The following EYS variants were observed in gnomAD, a reference collection of about 807,000 sequenced individuals.
The protein encoded by EYS is protein eyes shut homolog.
EYS carries 250 observed loss-of-function variants against 282.1 expected under a neutral mutation model. The ratio of observed to expected loss-of-function variants is 0.89; its 90% CI spans 0.80 to 0.98. The LOEUF (loss-of-function observed/expected upper bound fraction) is 0.98, where lower values mean the gene tolerates loss of function less well. Ranked by LOEUF, EYS falls within the 50% of genes least tolerant of loss-of-function variation. EYS has a pLI of 0.00. For synonymous variants in EYS, 1,355 were observed against 1,282.9 expected, an observed-to-expected ratio of 1.06 and a Z score of -1.20; for missense variants, 4,016 against 3,709.0, an observed-to-expected ratio of 1.08 and a Z score of -2.15.
chr6:65,373,910 T>A (rs1330520818), intron 8 of EYS, among the ~76,000 whole-genome samples: 2 of 152,202 alleles, frequency 1.3e-5, no homozygotes, highest in African/African-American at 4.8e-5. Flanking sequence ...GTGGACTTAT[T>A]ACAAGTCATA....
At chr6:65,419,035 C>T (rs996527311) in intron 5 of EYS, among the ~76,000 whole-genome samples, 2 of 151,768 alleles carry the variant, frequency 1.3e-5, no homozygotes, top group South Asian at 2.1e-4. Flanking sequence ...CAGATTTAGT[C>T]ATTTCTCTGG....
intron 22 of EYS, among the ~76,000 whole-genome samples, chr6:64,653,041 C>T (rs1045720557): frequency 6.6e-6 from 1 of 152,050 alleles, no homozygotes; most frequent in African/African-American, 2.4e-5. Context: ...AGGATCTTTG[C>T]CGATGAAAGT....
chr6:65,295,200 T>C (rs1403423232), intron 12 of EYS, among the ~76,000 whole-genome samples: 1 of 151,394 alleles, frequency 6.6e-6, no homozygotes, highest in Non-Finnish European at 1.5e-5. Context: ...GTATGGCCAC[T>C]GTTCTGATTT....
chr6:64,262,218 G>C (rs1180167117), intron 30 of EYS, among the ~76,000 whole-genome samples: 1 of 151,846 alleles, frequency 6.6e-6, no homozygotes, highest in Non-Finnish European at 1.5e-5. Flanking sequence ...CAATTTTAGT[G>C]CTTTCTACCA....
At chr6:64,655,056 C>A (rs144766844) in intron 22 of EYS, among the ~76,000 whole-genome samples, 22 of 152,158 alleles carry the variant, frequency 1.4e-4, no homozygotes, top group African/African-American at 4.6e-4. Flanking sequence ...AAATTAAAAA[C>A]GTGAAAAAAA....
chr6:65,143,623 A>G (rs1764404583), intron 12 of EYS, among the ~76,000 whole-genome samples: 1 of 152,052 alleles, frequency 6.6e-6, no homozygotes, highest in South Asian at 2.1e-4. Context: ...TAAGGATTCT[A>G]TCATTTTCTC....
chr6:65,469,113 C>T (rs1390046038), intron 5 of EYS, among the ~76,000 whole-genome samples: 1 of 151,786 alleles, frequency 6.6e-6, no homozygotes, highest in Non-Finnish European at 1.5e-5. Context: ...TAAGTATTTC[C>T]CATTCAAGAT....
chr6:63,762,962 T>G (rs1028293574), intron 40 of EYS, among the ~76,000 whole-genome samples: 4 of 152,014 alleles, frequency 2.6e-5, no homozygotes, highest in Non-Finnish European at 4.4e-5. Flanking sequence ...GGTGTTGCTG[T>G]CTCCTAACTT....
intron 37 of EYS, among the ~76,000 whole-genome samples, chr6:63,799,231 C>G (rs746167525): frequency 3.3e-5 from 5 of 151,614 alleles, no homozygotes; most frequent in African/African-American, 4.8e-5. Context: ...CCAGGGTGGT[C>G]TTGAACTCCT....
Position 65,620,067 on chromosome 6 carries a change from A to C in EYS, c.-333+19711T>G, listed in dbSNP as rs541865026. ...TTGGTATCAGGATGATGCTGGCCTCATAAAATGAGTTAGAGAGGATTCCCT... is the reference window on the plus strand; with the variant it reads ...TTGGTATCAGGATGATGCTGGCCTCCTAAAATGAGTTAGAGAGGATTCCCT... On this transcript the variant is annotated intron_variant, in intron 2 of 42. Transcript: ENST00000503581. 4.6e-5 allele frequency among the ~76,000 whole-genome samples: 7 copies of C among 152,336 alleles called. No homozygotes were observed. The East Asian group carries it at 5.8e-4, about 13-fold the overall frequency.
At position 64,779,062 on chromosome 6, in the gene EYS, C is replaced by G. The variant is rs140221571; in HGVS notation, c.3443+34316G>C. Among the ~76,000 whole-genome samples the G allele has an allele frequency of 2.0e-3, 305 of 152,184 alleles. 1 individual carries two copies. The highest frequency in any genetic ancestry group is 1.1e-3 in the Non-Finnish European group (75 of 67,970). Reference sequence around the variant, plus strand: ...TGGTGAAATTGCAAAAATGATACAACCACTTTGAAAGACAGTTTGGCAGTT... The same window carrying G: ...TGGTGAAATTGCAAAAATGATACAAGCACTTTGAAAGACAGTTTGGCAGTT... On this transcript the variant is annotated intron_variant, in intron 22 of 42. Coordinates refer to ENST00000503581, the MANE Select transcript of EYS (RefSeq NM_001142800.2).
At chr6:64,212,909 T>A (rs544999233) in intron 31 of EYS, among the ~76,000 whole-genome samples, 1 of 152,208 alleles carries the variant, frequency 6.6e-6, no homozygotes, top group Non-Finnish European at 1.5e-5. Flanking sequence ...TACCTAGACA[T>A]CATGAAATAC....
At chr6:65,688,152 T>G (rs894632318) in intron 1 of EYS, among the ~76,000 whole-genome samples, 1 of 152,148 alleles carries the variant, frequency 6.6e-6, no homozygotes, top group Non-Finnish European at 1.5e-5. Context: ...AGAACAAAGC[T>G]GGAGGCATCA....
At chr6:65,361,517 A>G (rs1473275307) in intron 8 of EYS, among the ~76,000 whole-genome samples, 2 of 133,506 alleles carry the variant, frequency 1.5e-5, no homozygotes, top group Non-Finnish European at 3.1e-5. Context: ...GTCTCTCTCT[A>G]TCGCCCAGGC....
intron 21 of EYS, chr6:64,815,166 G>A: frequency 2.3e-6 from 1 of 426,600 alleles, no homozygotes; most frequent in East Asian, 7.6e-5. Flanking sequence ...CCCTACAAGT[G>A]ATAGAACTAA....
At chr6:64,602,798 G>A (rs750402411) in intron 24 of EYS, among the ~76,000 whole-genome samples, 1 of 151,940 alleles carries the variant, frequency 6.6e-6, no homozygotes, top group Non-Finnish European at 1.5e-5. Flanking sequence ...CCAAACAGGA[G>A]CTCAAAATAA....
intron 41 of EYS, among the ~76,000 whole-genome samples, chr6:63,743,952 C>T (rs550148567): frequency 2.1e-4 from 32 of 152,120 alleles, no homozygotes; most frequent in Admixed American, 5.2e-4. Flanking sequence ...CAATTTGAGG[C>T]AGCAGTAGTG....
At chr6:65,651,958 A>C (rs1241067719) in intron 1 of EYS, among the ~76,000 whole-genome samples, 1 of 152,066 alleles carries the variant, frequency 6.6e-6, no homozygotes, top group Non-Finnish European at 1.5e-5. Flanking sequence ...AAACATATAA[A>C]AGATTCTTTT....
At chr6:65,031,428 A>T (rs958334631) in intron 13 of EYS, among the ~76,000 whole-genome samples, 15 of 152,204 alleles carry the variant, frequency 9.9e-5, no homozygotes, top group Admixed American at 9.2e-4. Context: ...CAGAATATAT[A>T]TTCTTCTCAT....
Sources: gnomAD v4.1 joint callset for allele counts (sites outside exome capture counted in the v4.1 genomes callset) on GRCh38, gnomAD v4.1.1 for gene constraint, MANE v1.5 for transcripts, NCBI Gene and HGNC (gene_info 2026-07-23, HGNC 2026-07-21) for gene names.